The following BACE2 variants were observed in gnomAD, a reference collection of about 807,000 sequenced individuals.
BACE2 encodes beta-secretase 2.
In BACE2, 17 loss-of-function variants were observed where a neutral mutation model predicts 46.2. That is an observed-to-expected ratio of 0.37 (90% CI 0.25 to 0.55). The LOEUF is 0.55. Among genes scored for constraint, BACE2 ranks in the 20% least tolerant of loss-of-function variants. BACE2 has a pLI of 0.82. For missense variants in BACE2, 595 were observed against 698.1 expected (o/e 0.85, Z 1.66); for synonymous variants, 277 against 295.9 (o/e 0.94, Z 0.66).
chr21:41,223,487 C>T (rs957456061), intron 1 of BACE2, among the ~76,000 whole-genome samples: 5 of 152,208 alleles, frequency 3.3e-5, no homozygotes, highest in Admixed American at 6.5e-5. Context: ...CAGCCCCTGG[C>T]CATGGTTGTC....
chr21:41,239,502 C>A (rs984284984), intron 3 of BACE2, among the ~76,000 whole-genome samples: 4 of 152,180 alleles, frequency 2.6e-5, no homozygotes, highest in African/African-American at 9.7e-5. Context: ...CTCAGCCTCC[C>A]AAGTAGCTGG....
intron 1 of BACE2, among the ~76,000 whole-genome samples, 165 bp downstream of exon 1, chr21:41,168,740 G>T (rs1984475157): frequency 6.6e-6 from 1 of 152,064 alleles, no homozygotes; most frequent in African/African-American, 2.4e-5. Flanking sequence ...GAGCGGGGGC[G>T]CTCGCTCTTG....
intron 1 of BACE2, among the ~76,000 whole-genome samples, chr21:41,223,803 C>A (rs950627282): frequency 2.6e-5 from 4 of 152,126 alleles, no homozygotes; most frequent in African/African-American, 9.7e-5. Flanking sequence ...TAGGTAGAGC[C>A]CAGAGTGCAT....
At chr21:41,254,907 G>A (rs1232891537) in intron 7 of BACE2, among the ~76,000 whole-genome samples, 2 of 152,236 alleles carry the variant, frequency 1.3e-5, no homozygotes, top group African/African-American at 4.8e-5. Flanking sequence ...CCCGAGGGGC[G>A]CATGATGAGC....
At chr21:41,256,524 C>G (rs1020124213) in intron 7 of BACE2, among the ~76,000 whole-genome samples, 1 of 152,194 alleles carries the variant, frequency 6.6e-6, no homozygotes, top group Non-Finnish European at 1.5e-5. Context: ...AGCCTGCTAA[C>G]TAAAAGCTTC....
intron 4 of BACE2, 35 bp downstream of exon 4, chr21:41,241,982 C>A: frequency 6.2e-7 from 1 of 1,610,474 alleles, no homozygotes; most frequent in South Asian, 1.1e-5. Flanking sequence ...GGCGAAAAAT[C>A]ACAGATGGAT....
intron 6 of BACE2, among the ~76,000 whole-genome samples, chr21:41,247,903 TTTC>T (rs1987520252): frequency 6.6e-6 from 1 of 152,196 alleles, no homozygotes; most frequent in South Asian, 2.1e-4. Flanking sequence ...TGTGTTTGTT[TTTC>T]TTATCTACCA....
chr21:41,214,889 GAA>G (rs201566455), intron 1 of BACE2, among the ~76,000 whole-genome samples: 2,552 of 152,210 alleles, frequency 0.017, 33 homozygotes, highest in Non-Finnish European at 0.024. Flanking sequence ...CAGGGGCACA[GAA>G]GCCTTGGGAA....
chr21:41,237,394 C>G (rs1476894984), intron 2 of BACE2, 119 bp from the exon 3 acceptor site: 20 of 664,846 alleles, frequency 3.0e-5, no homozygotes, highest in Non-Finnish European at 4.4e-5. Flanking sequence ...TGCAGTGAGC[C>G]AAGATCCCGC....
At position 41,198,849 on chromosome 21, in the gene BACE2, T is replaced by TTTTATTTATTTA. The variant is rs3838112; in HGVS notation, c.313-27390_313-27379dup. On this transcript the variant is annotated intron_variant, in intron 1 of 8. Transcript: ENST00000330333. ...ATGTGTTGGTGGATCTCTGTACGCT[T>TTTTATTTATTTA]TTTATTTATTTATTTATTTATTTAT... Among the ~76,000 whole-genome samples, 213 of 140,106 alleles carry TTTTATTTATTTA rather than the reference T, an allele frequency of 1.5e-3. 1 individual carries two copies. The highest frequency in any genetic ancestry group is 2.4e-3 in the Admixed American group (34 of 14,382). 91.9% of individuals were successfully genotyped at this position (140,106 alleles called of 152,430 possible).
intron 1 of BACE2, among the ~76,000 whole-genome samples, chr21:41,221,545 G>A (rs1986646426): frequency 6.6e-6 from 1 of 152,196 alleles, no homozygotes; most frequent in Admixed American, 6.5e-5. Context: ...GTGAGTGTCG[G>A]CCGGGCGCGG....
chr21:41,168,261 G>C lies in BACE2; in HGVS notation c.-3G>C. ...GGCGCGCCCCCCGGGCCCCGCCGTG[G>C]GCATGGGCGCACTGGCCCGGGCGCT... On this transcript the variant is annotated 5_prime_UTR_variant, in exon 1 of 9. Coordinates refer to ENST00000330333, the MANE Select transcript of BACE2 (RefSeq NM_012105.5). 8.4e-7 allele frequency: 1 copy of C among 1,185,058 alleles called. No individual in the cohort carries two copies. Among genetic ancestry groups the C allele is most frequent in the Non-Finnish European group, 1.0e-6 (1 of 959,548 alleles). The allele number at this position is 1,185,058 out of a possible 1,614,324, so 73.4% of individuals were successfully genotyped here.
chr21:41,171,573 C>G (rs1984610783), intron 1 of BACE2, among the ~76,000 whole-genome samples: 1 of 152,222 alleles, frequency 6.6e-6, no homozygotes, highest in African/African-American at 2.4e-5. Context: ...AACTGTAGAA[C>G]TTTTGAACAG....
intron 2 of BACE2, 37 bp from the exon 3 acceptor site, chr21:41,237,476 A>C: frequency 1.5e-6 from 2 of 1,359,720 alleles, no homozygotes; most frequent in South Asian, 1.5e-5. Context: ...AAAATAAAAT[A>C]AAATGAATAC....
At position 41,168,499 on chromosome 21, in the gene BACE2, C is replaced by G; in HGVS notation, c.236C>G (p.Ala79Gly). The G allele has an allele frequency of 2.9e-6, 4 of 1,378,836 alleles. No individual in the cohort carries two copies. Among genetic ancestry groups the G allele is most frequent in the Non-Finnish European group, 3.8e-6 (4 of 1,061,306 alleles). 85.4% of individuals were successfully genotyped at this position (1,378,836 alleles called of 1,614,324 possible). A position where few individuals can be genotyped will look rare whatever the true frequency, so the allele number is the denominator to read the frequency against. Residue 79 changes from alanine to glycine, a missense_variant, in exon 1 of 9, where the codon GCC becomes GGC. Ala to Gly is a moderately conservative substitution (Grantham distance 60). Coordinates refer to ENST00000330333, the MANE Select transcript of BACE2 (RefSeq NM_012105.5). ...CCCGCGGGCGCCGCCAACTTCTTGG[C>G]CATGGTAGACAACCTGCAGGGGGAC... ...ASPAGAANFL[A>G]MVDNLQGDSG...
chr21:41,236,727 G>A (rs1279601348), intron 2 of BACE2: 1 of 152,186 alleles, frequency 6.6e-6, no homozygotes, highest in Non-Finnish European at 1.5e-5. Context: ...CAGCTGCTGC[G>A]GGCACAGGCT....
At position 41,245,951 on chromosome 21, in the gene BACE2, C is replaced by T. The variant is rs760031324; in HGVS notation, c.883-11C>T. ...CACTCACGCACCTTTCCCTTTCTCT[C>T]CCGGTTCAAGTATAACGCAGACAAG... On this transcript the variant is annotated splice_polypyrimidine_tract_variant and intron_variant, in intron 5 of 8. Transcript: ENST00000330333. 5.6e-6 allele frequency: 9 copies of T among 1,597,088 alleles called. No individual in the cohort carries two copies. The highest frequency in any genetic ancestry group is 7.7e-6 in the Non-Finnish European group (9 of 1,170,552).
rs1216272482 is a variant in BACE2 at position 41,279,389 on chromosome 21, A to T, written c.*3765A>T. The T allele has an allele frequency of 1.3e-5, 2 of 152,182 alleles. No individual in the cohort carries two copies. The highest frequency in any genetic ancestry group is 4.8e-5 in the African/African-American group (2 of 41,436). The allele number at this position is 152,182 out of a possible 1,614,324, so 9.4% of individuals were successfully genotyped here. On this transcript the variant is annotated 3_prime_UTR_variant, in exon 9 of 9. Transcript: ENST00000330333. Reference sequence around the variant, plus strand: ...GGCAGGTGGATCACCTGAGGTCAGGAGTTTGAGACCAGCCTGGACAACATG... The same window carrying T: ...GGCAGGTGGATCACCTGAGGTCAGGTGTTTGAGACCAGCCTGGACAACATG...
intron 1 of BACE2, among the ~76,000 whole-genome samples, chr21:41,191,300 A>C (rs181862052): frequency 6.6e-6 from 1 of 152,330 alleles, no homozygotes; most frequent in Non-Finnish European, 1.5e-5. Context: ...GAACATGGTG[A>C]GACCAGTGCA....
Sources: allele counts gnomAD v4.1 joint callset (sites outside exome capture counted in the v4.1 genomes callset), GRCh38; gene constraint gnomAD v4.1.1; transcripts MANE v1.5; gene names NCBI Gene and HGNC (gene_info 2026-07-23, HGNC 2026-07-21).